The following OSBPL3 variants were observed in gnomAD, a reference collection of about 807,000 sequenced individuals.
The protein encoded by OSBPL3 is oxysterol-binding protein-related protein 3.
Under a neutral mutation model 120.1 loss-of-function variants are expected in OSBPL3, and 65 were observed. That is an observed-to-expected ratio of 0.54 (90% CI 0.44 to 0.67). The LOEUF (loss-of-function observed/expected upper bound fraction) is 0.67. OSBPL3 is among the 30% of genes least tolerant of loss of function. The pLI is 0.00. For synonymous variants in OSBPL3, 416 were observed against 402.6 expected (o/e 1.03, Z -0.40); for missense variants, 1,004 against 1,082.1 (o/e 0.93, Z 1.01).
intron 12 of OSBPL3, among the ~76,000 whole-genome samples, chr7:24,846,448 G>A (rs1798458706): frequency 6.6e-6 from 1 of 152,160 alleles, no homozygotes; most frequent in Admixed American, 6.5e-5. Flanking sequence ...TCAAATGCAT[G>A]CCGATATAGC....
chr7:24,952,106 T>C lies in OSBPL3; in HGVS notation c.-150+27780A>G, dbSNP rs1370264395. ...CTCCCCACCGGCCATTCTTTCAAGCTTCAAAAAAGGAGCTCAGACTTTGAG... is the reference window on the plus strand; with the variant it reads ...CTCCCCACCGGCCATTCTTTCAAGCCTCAAAAAAGGAGCTCAGACTTTGAG... On this transcript the variant is annotated intron_variant, in intron 1 of 22. Coordinates refer to ENST00000313367, the MANE Select transcript of OSBPL3 (RefSeq NM_015550.4). The surrounding 1 kb of genome is among the most constrained non-coding windows in gnomAD (Gnocchi z 4.4). Among the ~76,000 whole-genome samples the C allele has an allele frequency of 4.6e-5, 7 of 152,212 alleles. No individual in the cohort carries two copies. In the East Asian group the frequency reaches 1.4e-3, roughly 29 times the overall value.
At chr7:24,973,224 C>A (rs1236591490) in intron 1 of OSBPL3, among the ~76,000 whole-genome samples, 1 of 152,178 alleles carries the variant, frequency 6.6e-6, no homozygotes, top group African/African-American at 2.4e-5. Flanking sequence ...AGCCCACACC[C>A]ACTCAGAGAA....
rs1792056813 is a variant in OSBPL3 at position 24,799,520 on chromosome 7, A to AT, written c.*662dup. On this transcript the variant is annotated 3_prime_UTR_variant, in exon 23 of 23. Coordinates refer to ENST00000313367, the MANE Select transcript of OSBPL3 (RefSeq NM_015550.4). The surrounding 1 kb of genome is among the most constrained non-coding windows in gnomAD (Gnocchi z 5.3). The stretch of plus-strand genomic sequence containing the variant: ...TGAGCAACAGGGTACAATTTTGCAT[A>AT]TAAGGCAATAGAACTATAGGGAGGA... The AT allele has an allele frequency of 6.6e-6, 1 of 152,238 alleles. No individual in the cohort carries two copies. Among genetic ancestry groups the AT allele is most frequent in the South Asian group, 2.1e-4 (1 of 4,834 alleles). 9.4% of individuals were successfully genotyped at this position (152,238 alleles called of 1,614,324 possible).
chr7:24,892,913 C>T (rs1407129932), intron 1 of OSBPL3, among the ~76,000 whole-genome samples: 1 of 152,282 alleles, frequency 6.6e-6, no homozygotes, highest in African/African-American at 2.4e-5. Context: ...CACAGTAAGA[C>T]ACTACTTCAC....
chr7:24,798,264 G>C lies in OSBPL3; in HGVS notation c.*1919C>G, dbSNP rs1277503238. 2 of 152,132 alleles carry C rather than the reference G, an allele frequency of 1.3e-5. No homozygotes were observed. The highest frequency in any genetic ancestry group is 2.9e-5 in the Non-Finnish European group (2 of 68,010). The allele number at this position is 152,132 out of a possible 1,614,324, so 9.4% of individuals were successfully genotyped here. ...CATTCAGGCTGTGCATTTTGTTTTC[G>C]TTGCTTCTTTCTTTTTTGAGCCAGT... On this transcript the variant is annotated 3_prime_UTR_variant, in exon 23 of 23. Transcript: ENST00000313367. This position sits in a 1 kb window ranked among gnomAD's most constrained non-coding sequence, Gnocchi z 4.6.
At chr7:24,956,525 G>T (rs1351691035) in intron 1 of OSBPL3, among the ~76,000 whole-genome samples, 2 of 152,212 alleles carry the variant, frequency 1.3e-5, no homozygotes, top group Non-Finnish European at 2.9e-5. Flanking sequence ...GAATTACCAT[G>T]TTCATAGCTT....
chr7:24,970,273 A>G lies in OSBPL3; in HGVS notation c.-150+9613T>C, dbSNP rs777419111. On this transcript the variant is annotated intron_variant, in intron 1 of 22. Transcript: ENST00000313367. ...AGGTGCCCACCATCATGCCCAGCTA[A>G]TTTTTGTATTTTTAGTAGAGACTTG... Among the ~76,000 whole-genome samples, 51 of 151,772 alleles carry G rather than the reference A, an allele frequency of 3.4e-4. 1 individual carries two copies. Among genetic ancestry groups the G allele is most frequent in the Non-Finnish European group, 2.9e-5 (2 of 67,948 alleles).
At chr7:24,859,243 AAAGG>A (rs1211583291) in intron 10 of OSBPL3, among the ~76,000 whole-genome samples, 2 of 152,210 alleles carry the variant, frequency 1.3e-5, no homozygotes, top group Non-Finnish European at 2.9e-5. Context: ...ACGAAGTAGG[AAAGG>A]AAGGCAATAG....
rs758545243 is a variant in OSBPL3, at chr7:24,872,619, T to C, written c.97-550A>G. Among the ~76,000 whole-genome samples, 10 of 152,192 alleles carry C rather than the reference T, an allele frequency of 6.6e-5. No homozygotes were observed. Among genetic ancestry groups the C allele is most frequent in the Non-Finnish European group, 1.2e-4 (8 of 68,036 alleles). ...CATCCACAAATTCTAGGTATTTAAATGTACTGGAAATCTGGAAGCATCAAA... is the reference window on the plus strand; with the variant it reads ...CATCCACAAATTCTAGGTATTTAAACGTACTGGAAATCTGGAAGCATCAAA... On this transcript the variant is annotated intron_variant, in intron 2 of 22. Transcript: ENST00000313367. This position sits in a 1 kb window ranked among gnomAD's most constrained non-coding sequence, Gnocchi z 4.1.
At chr7:24,892,321 C>T in intron 2 of OSBPL3, 56 bp downstream of exon 2, 1 of 1,575,222 alleles carries the variant, frequency 6.3e-7, no homozygotes, top group South Asian at 1.1e-5. Flanking sequence ...GCATTTTAAC[C>T]AGCAAACTTG....
Position 24,872,053 on chromosome 7 carries a change from A to G in OSBPL3, c.113T>C (p.Val38Ala). The G allele has an allele frequency of 6.2e-7, 1 of 1,610,478 alleles. No individual in the cohort carries two copies. The highest frequency in any genetic ancestry group is 8.5e-7 in the Non-Finnish European group (1 of 1,176,788). ...ATTCATCTCCCCCCTCAGTCCTTCC[A>G]CCACTTCCCAGCTGTCCTGTTCCAA... is the stretch of plus-strand genomic sequence containing the variant. ...QGSRQDSWEV[V>A]EGLRGEMNYT... The change falls in exon 3 of 23, where the codon GTG (valine) becomes GCG (alanine). Residue 38 changes from valine (V) to alanine (A), a missense_variant. Physicochemically the swap from Val to Ala is moderately conservative, Grantham distance 64. Coordinates refer to ENST00000313367, the MANE Select transcript of OSBPL3 (RefSeq NM_015550.4). The surrounding 1 kb of genome is among the most constrained non-coding windows in gnomAD (Gnocchi z 4.1).
chr7:24,829,476 C>A (rs975415086), intron 16 of OSBPL3, among the ~76,000 whole-genome samples: 4 of 152,168 alleles, frequency 2.6e-5, no homozygotes, highest in Non-Finnish European at 4.4e-5. Context: ...GCACTATCAT[C>A]ATAAGTCTCT....
At chr7:24,910,727 G>T (rs1808698631) in intron 1 of OSBPL3, among the ~76,000 whole-genome samples, 1 of 152,240 alleles carries the variant, frequency 6.6e-6, no homozygotes, top group Non-Finnish European at 1.5e-5. Flanking sequence ...CACAAGGGAA[G>T]AGCTCAGTGG....
At chr7:24,850,912 G>GA (rs1799071166) in intron 11 of OSBPL3, among the ~76,000 whole-genome samples, 1 of 152,150 alleles carries the variant, frequency 6.6e-6, no homozygotes, top group African/African-American at 2.4e-5. Context: ...AGCCAAAAAG[G>GA]AAAGAAAGGA....
intron 1 of OSBPL3, among the ~76,000 whole-genome samples, chr7:24,960,477 A>G (rs1324394913): frequency 6.6e-6 from 1 of 152,194 alleles, no homozygotes; most frequent in Non-Finnish European, 1.5e-5. Flanking sequence ...CACAAAATCA[A>G]TATATCGAAA....
chr7:24,944,561 C>T (rs1304374233), intron 1 of OSBPL3, among the ~76,000 whole-genome samples: 2 of 150,384 alleles, frequency 1.3e-5, no homozygotes, highest in East Asian at 3.9e-4. Flanking sequence ...ACCCAGGAGG[C>T]GGAGGTTGCA....
chr7:24,889,101 A>C (rs1804950466), intron 2 of OSBPL3, among the ~76,000 whole-genome samples: 1 of 152,242 alleles, frequency 6.6e-6, no homozygotes, highest in Non-Finnish European at 1.5e-5. Context: ...TGTGTGATAA[A>C]GAAACAAGAT....
chr7:24,846,246 G>C (rs1366984686), intron 12 of OSBPL3, among the ~76,000 whole-genome samples: 2 of 152,154 alleles, frequency 1.3e-5, no homozygotes, highest in East Asian at 3.8e-4. Context: ...TTATATAGCA[G>C]TGTATACTAT....
intron 1 of OSBPL3, among the ~76,000 whole-genome samples, chr7:24,904,612 G>T (rs981330606): frequency 2.6e-5 from 4 of 152,036 alleles, no homozygotes; most frequent in Admixed American, 2.6e-4. Flanking sequence ...TATTTGTGGC[G>T]ATCACCGAAC....
Sources: allele counts gnomAD v4.1 joint callset (sites outside exome capture counted in the v4.1 genomes callset), GRCh38; gene constraint gnomAD v4.1.1; non-coding constraint Gnocchi (gnomAD v3.1); transcripts MANE v1.5; gene names NCBI Gene and HGNC (gene_info 2026-07-23, HGNC 2026-07-21).